Variants in GRIK2 observed in about 807,000 individuals in gnomAD.
The protein encoded by GRIK2 is glutamate ionotropic receptor kainate type subunit 2.
GRIK2 carries 32 observed loss-of-function variants against 100.3 expected under a neutral mutation model. That is an observed-to-expected ratio of 0.32 (90% CI 0.24 to 0.43). The LOEUF (loss-of-function observed/expected upper bound fraction) is 0.43, where lower values mean the gene tolerates loss of function less well. GRIK2 is among the 20% of genes least tolerant of loss of function. GRIK2 has a pLI of 1.00. For missense variants in GRIK2, 843 were observed against 1,114.9 expected (o/e 0.76, Z 3.47); for synonymous variants, 417 against 389.4 (o/e 1.07, Z -0.83).
intron 2 of GRIK2, among the ~76,000 whole-genome samples, chr6:101,421,171 C>T (rs1278409957): frequency 6.6e-6 from 1 of 152,188 alleles, no homozygotes; most frequent in Non-Finnish European, 1.5e-5. Flanking sequence ...GCTTGGTCTG[C>T]CTCCACTAGC....
At chr6:101,478,672 C>A (rs1391832097) in intron 2 of GRIK2, among the ~76,000 whole-genome samples, 1 of 151,354 alleles carries the variant, frequency 6.6e-6, no homozygotes, top group Admixed American at 6.6e-5. Context: ...TGCCACCACA[C>A]CTGGCTAATA....
chr6:101,523,658 C>T (rs1774998318), intron 2 of GRIK2, among the ~76,000 whole-genome samples: 1 of 151,230 alleles, frequency 6.6e-6, no homozygotes, highest in Non-Finnish European at 1.5e-5. Context: ...ATAAATAGTG[C>T]CCATCAGCAT....
chr6:102,010,663 G>A (rs1267479663), intron 14 of GRIK2, among the ~76,000 whole-genome samples: 7 of 151,268 alleles, frequency 4.6e-5, no homozygotes, highest in East Asian at 2.0e-4. Context: ...GATTACAGGC[G>A]TGAGACACTG....
chr6:101,839,057 T>A (rs1208333456), intron 10 of GRIK2, among the ~76,000 whole-genome samples: 3 of 152,144 alleles, frequency 2.0e-5, no homozygotes, highest in Non-Finnish European at 4.4e-5. Flanking sequence ...TTTGTTTGTT[T>A]GTTTGTTTGT....
chr6:101,447,633 A>G (rs140250065), intron 2 of GRIK2, among the ~76,000 whole-genome samples: 167 of 151,820 alleles, frequency 1.1e-3, no homozygotes, highest in African/African-American at 3.8e-3. Context: ...TGTAGCTCCC[A>G]TGTAGTTCAG....
At chr6:101,446,872 G>A (rs1468970103) in intron 2 of GRIK2, among the ~76,000 whole-genome samples, 7 of 149,716 alleles carry the variant, frequency 4.7e-5, no homozygotes, top group South Asian at 2.1e-4. Flanking sequence ...CTCAATCACC[G>A]TTTCTTTTTG....
At chr6:101,478,278 A>G (rs1320720715) in intron 2 of GRIK2, among the ~76,000 whole-genome samples, 1 of 152,084 alleles carries the variant, frequency 6.6e-6, no homozygotes, top group Non-Finnish European at 1.5e-5. Flanking sequence ...GAAAAGACAA[A>G]CAAAATCTTA....
At chr6:101,441,485 T>C (rs1582458491) in intron 2 of GRIK2, among the ~76,000 whole-genome samples, 1 of 152,198 alleles carries the variant, frequency 6.6e-6, no homozygotes, top group East Asian at 1.9e-4. Context: ...TAAAACTGTA[T>C]ATGCTTGTGC....
chr6:101,962,345 AC>A (rs1792358720), intron 14 of GRIK2, among the ~76,000 whole-genome samples: 1 of 146,744 alleles, frequency 6.8e-6, no homozygotes, highest in Non-Finnish European at 1.5e-5. Context: ...GAAAAAAAAA[AC>A]CTCAACTCTG....
chr6:101,996,653 G>T (rs1011805054), intron 14 of GRIK2, among the ~76,000 whole-genome samples: 2 of 152,034 alleles, frequency 1.3e-5, no homozygotes, highest in African/African-American at 4.8e-5. Flanking sequence ...AAGAGTAGAC[G>T]TATTTTGCAT....
chr6:101,987,596 A>C, intron 14 of GRIK2, among the ~76,000 whole-genome samples: 1 of 150,920 alleles, frequency 6.6e-6, no homozygotes, highest in East Asian at 1.9e-4. Context: ...AAACACTATT[A>C]GCTTCCTGTA....
At chr6:101,513,217 C>T (rs975299775) in intron 2 of GRIK2, among the ~76,000 whole-genome samples, 1 of 152,012 alleles carries the variant, frequency 6.6e-6, no homozygotes, top group Non-Finnish European at 1.5e-5. Context: ...CGGAACAACT[C>T]AAAGGGGTGT....
chr6:101,500,008 A>C (rs1773666401), intron 2 of GRIK2, among the ~76,000 whole-genome samples: 1 of 152,172 alleles, frequency 6.6e-6, no homozygotes, highest in Non-Finnish European at 1.5e-5. Context: ...TATAACATTT[A>C]TATAATGTGT....
intron 4 of GRIK2, among the ~76,000 whole-genome samples, chr6:101,663,810 C>T (rs1012295085): frequency 3.3e-5 from 5 of 152,184 alleles, no homozygotes. Context: ...GGAATCTTCG[C>T]AGTCCATGTA....
chr6:101,731,652 A>C (rs1406868930), intron 7 of GRIK2, among the ~76,000 whole-genome samples: 1 of 152,026 alleles, frequency 6.6e-6, no homozygotes. Context: ...TGTTTTATTT[A>C]ACTCACATGG....
chr6:101,571,874 C>T (rs1448335323), intron 2 of GRIK2, among the ~76,000 whole-genome samples: 1 of 152,026 alleles, frequency 6.6e-6, no homozygotes, highest in East Asian at 1.9e-4. Context: ...CCATGCAGAA[C>T]ATATCTGTAT....
chr6:102,037,104 T>G (rs574810284), intron 15 of GRIK2, among the ~76,000 whole-genome samples: 1 of 151,380 alleles, frequency 6.6e-6, no homozygotes, highest in South Asian at 2.1e-4. Context: ...TGTATTATGG[T>G]TTAAAAAAAG....
intron 2 of GRIK2, among the ~76,000 whole-genome samples, chr6:101,465,344 C>T (rs564176322): frequency 6.6e-6 from 1 of 152,264 alleles, no homozygotes; most frequent in Non-Finnish European, 1.5e-5. Flanking sequence ...TCATTTAGCT[C>T]CCAGTTACAA....
At chr6:102,033,548 T>A (rs1770110905) in intron 14 of GRIK2, among the ~76,000 whole-genome samples, 1 of 151,350 alleles carries the variant, frequency 6.6e-6, no homozygotes, top group Non-Finnish European at 1.5e-5. Flanking sequence ...TTGAAAGGGA[T>A]CTAGAACTGA....
Sources: gnomAD v4.1 joint callset for allele counts (sites outside exome capture counted in the v4.1 genomes callset) on GRCh38, gnomAD v4.1.1 for gene constraint, MANE v1.5 for transcripts, NCBI Gene and HGNC (gene_info 2026-07-23, HGNC 2026-07-21) for gene names.